Variants in DORIP1 observed in about 807,000 individuals in gnomAD.
DORIP1 encodes dopamine receptor interacting protein 1.
the DORIP1 span, chr14:44,900,356 A>C: frequency 3.1e-5 from 39 of 1,246,046 alleles, no homozygotes; most frequent in Non-Finnish European, 3.8e-5. Context: ...AGATGGATTT[A>C]TTTTCGTTTA....
the DORIP1 span, chr14:44,900,867 A>C: frequency 1.2e-6 from 2 of 1,613,988 alleles, no homozygotes; most frequent in Non-Finnish European, 1.7e-6. Context: ...AAAATCTTGA[A>C]AATCTCATGT....
the DORIP1 span, among the ~76,000 whole-genome samples, chr14:44,898,683 T>G: frequency 5.9e-5 from 9 of 152,354 alleles, no homozygotes; most frequent in East Asian, 1.7e-3. Flanking sequence ...GCTGCAGATT[T>G]GCCACACCCT....
the DORIP1 span, chr14:44,905,385 C>A: frequency 6.5e-7 from 1 of 1,526,842 alleles, no homozygotes; most frequent in South Asian, 1.3e-5. Context: ...TGGAAGGTGC[C>A]ACATTATTTA....
At chr14:44,897,787 G>T in the DORIP1 span, among the ~76,000 whole-genome samples, 2 of 152,192 alleles carry the variant, frequency 1.3e-5, no homozygotes, top group African/African-American at 4.8e-5. Flanking sequence ...GCCAGGGTGG[G>T]CGTGGCCGGA....
At chr14:44,897,471 A>AGCGGCG in the DORIP1 span, 398 of 211,304 alleles carry the variant, frequency 1.9e-3, 3 homozygotes, top group African/African-American at 8.6e-3. Context: ...TAGATGAGGC[A>AGCGGCG]GCGGCGGCGG....
chr14:44,901,054 C>A, the DORIP1 span: 1 of 1,220,780 alleles, frequency 8.2e-7, no homozygotes, highest in Non-Finnish European at 1.1e-6. Context: ...ACATTTGGGT[C>A]AACAAAGGAC....
chr14:44,903,175 C>T, the DORIP1 span: 2 of 1,433,410 alleles, frequency 1.4e-6, no homozygotes, highest in Non-Finnish European at 9.8e-7. Context: ...AATGTTGAAG[C>T]AGTTCTTACA....
chr14:44,903,060 A>G, the DORIP1 span: 4 of 552,230 alleles, frequency 7.2e-6, no homozygotes, highest in Non-Finnish European at 1.3e-5. Flanking sequence ...TTTCTATACT[A>G]TCTGCAAGAA....
At chr14:44,898,788 G>A in the DORIP1 span, 3 of 152,108 alleles carry the variant, frequency 2.0e-5, no homozygotes, top group African/African-American at 7.2e-5. Context: ...ATATTTTAGA[G>A]TCCACAGTAT....
the DORIP1 span, chr14:44,900,377 G>A: frequency 7.5e-7 from 1 of 1,330,944 alleles, no homozygotes; most frequent in Non-Finnish European, 1.0e-6. Context: ...AACATATTAT[G>A]CATTTAATAT....
chr14:44,904,257 A>G, the DORIP1 span: 151 of 1,400,658 alleles, frequency 1.1e-4, no homozygotes, highest in South Asian at 7.4e-4. Context: ...TAATTACCCT[A>G]TAACTATAGG....
At chr14:44,898,898 A>T in the DORIP1 span, 2 of 152,194 alleles carry the variant, frequency 1.3e-5, no homozygotes, top group Non-Finnish European at 1.5e-5. Context: ...AGTTTCTTAC[A>T]CAAATAAAAC....
the DORIP1 span, among the ~76,000 whole-genome samples, chr14:44,902,540 G>A: frequency 2.6e-5 from 4 of 151,986 alleles, no homozygotes; most frequent in South Asian, 8.3e-4. Context: ...GTGTTGCCCA[G>A]GTTGGTCTCA....
At chr14:44,903,463 A>G in the DORIP1 span, 1 of 1,307,048 alleles carries the variant, frequency 7.7e-7, no homozygotes, top group Non-Finnish European at 9.8e-7. Flanking sequence ...ATGGTACTAC[A>G]GCTGATTGAT....
chr14:44,898,403 C>A, the DORIP1 span, among the ~76,000 whole-genome samples: 1 of 152,144 alleles, frequency 6.6e-6, no homozygotes, highest in African/African-American at 2.4e-5. Context: ...GGTAGTTACA[C>A]TTCATTTGGT....
At chr14:44,903,234 C>CT in the DORIP1 span, 1 of 1,613,132 alleles carries the variant, frequency 6.2e-7, no homozygotes, top group Non-Finnish European at 8.5e-7. Flanking sequence ...CACATGGAAA[C>CT]TTGATAAGAC....
the DORIP1 span, chr14:44,900,762 T>A: frequency 6.2e-7 from 1 of 1,614,130 alleles, no homozygotes. Flanking sequence ...TACTTTGGAT[T>A]TGGGACAAGA....
At chr14:44,897,467 AGGCAGCGGCGGC>A in the DORIP1 span, 14 of 212,370 alleles carry the variant, frequency 6.6e-5, no homozygotes, top group East Asian at 8.2e-4. Flanking sequence ...CTCATAGATG[AGGCAGCGGCGGC>A]GGCGGCGGCG....
At chr14:44,897,577 A>C in the DORIP1 span, 1 of 171,642 alleles carries the variant, frequency 5.8e-6, no homozygotes, top group African/African-American at 2.4e-5. Context: ...AGGTACGAGG[A>C]GTTTGCTTCC....
Sources: allele counts gnomAD v4.1 joint callset (sites outside exome capture counted in the v4.1 genomes callset), GRCh38; gene constraint gnomAD v4.1.1; transcripts MANE v1.5; gene names NCBI Gene and HGNC (gene_info 2026-07-23, HGNC 2026-07-21).